Variants in NKAIN2 observed in about 807,000 individuals in gnomAD.
NKAIN2 encodes sodium/potassium-transporting ATPase subunit beta-1-interacting protein 2.
Under a neutral mutation model 32.6 loss-of-function variants are expected in NKAIN2, and 14 were observed. The observed-to-expected ratio is 0.43, with a 90% confidence interval of 0.28 to 0.67. NKAIN2 has a LOEUF of 0.67. NKAIN2 is among the 30% of genes least tolerant of loss of function. The pLI, the probability that NKAIN2 is intolerant of heterozygous loss-of-function variation, is 0.17. For missense variants in NKAIN2, 198 were observed against 258.3 expected, an observed-to-expected ratio of 0.77 and a Z score of 1.60; for synonymous variants, 80 against 87.2, an observed-to-expected ratio of 0.92 and a Z score of 0.46.
chr6:124,458,641 G>A (rs1776412472), intron 3 of NKAIN2, among the ~76,000 whole-genome samples: 1 of 151,704 alleles, frequency 6.6e-6, no homozygotes, highest in Non-Finnish European at 1.5e-5. Flanking sequence ...AAATAAAATT[G>A]AAAATTCTAT....
intron 1 of NKAIN2, among the ~76,000 whole-genome samples, chr6:123,844,947 G>C (rs1775030226): frequency 6.6e-6 from 1 of 152,144 alleles, no homozygotes; most frequent in East Asian, 1.9e-4. Flanking sequence ...AAATTACTTA[G>C]TTTGAGTGAC....
rs555436749 is a variant in NKAIN2 at position 124,760,156 on chromosome 6, A to G, written c.475-31183A>G. Among the ~76,000 whole-genome samples the G allele has an allele frequency of 3.3e-5, 5 of 152,190 alleles. No homozygotes were observed. The South Asian group carries it at 1.0e-3, about 32-fold the overall frequency. ...TTAGCAAACTAACGCAGGAACAGAA[A>G]ACCAAACACCGCATGTTCTCACTTC... On this transcript the variant is annotated intron_variant, in intron 4 of 6. Coordinates refer to ENST00000368417, the MANE Select transcript of NKAIN2 (RefSeq NM_001040214.3).
intron 5 of NKAIN2, among the ~76,000 whole-genome samples, chr6:124,806,226 G>A (rs938422309): frequency 4.6e-5 from 7 of 152,088 alleles, no homozygotes; most frequent in African/African-American, 9.7e-5. Flanking sequence ...AAAATGTTAA[G>A]GGCAGCCAGA....
At chr6:123,872,893 C>G (rs1480671336) in intron 1 of NKAIN2, among the ~76,000 whole-genome samples, 1 of 152,114 alleles carries the variant, frequency 6.6e-6, no homozygotes, top group Admixed American at 6.5e-5. Flanking sequence ...CCTTATAACA[C>G]CTAAAATTAT....
intron 3 of NKAIN2, among the ~76,000 whole-genome samples, chr6:124,503,279 A>G (rs543445944): frequency 1.3e-5 from 2 of 152,272 alleles, no homozygotes; most frequent in East Asian, 3.9e-4. Context: ...AAGAAAAACT[A>G]GAGGAATCTA....
intron 3 of NKAIN2, among the ~76,000 whole-genome samples, chr6:124,425,933 A>G (rs964792494): frequency 6.6e-6 from 1 of 152,160 alleles, no homozygotes; most frequent in South Asian, 2.1e-4. Flanking sequence ...TTACATATGC[A>G]TACTCGTTTA....
intron 4 of NKAIN2, among the ~76,000 whole-genome samples, chr6:124,789,517 C>T (rs753093933): frequency 6.6e-6 from 1 of 151,980 alleles, no homozygotes; most frequent in Non-Finnish European, 1.5e-5. Context: ...GGCACTGGCT[C>T]ACTCCATAAA....
intron 2 of NKAIN2, among the ~76,000 whole-genome samples, chr6:124,320,499 T>C (rs1797131432): frequency 2.0e-5 from 3 of 152,192 alleles, no homozygotes. Context: ...GAGAGCCTAC[T>C]CCCTTTATCC....
At chr6:124,190,074 A>G (rs1789940535) in intron 1 of NKAIN2, among the ~76,000 whole-genome samples, 1 of 152,228 alleles carries the variant, frequency 6.6e-6, no homozygotes, top group Non-Finnish European at 1.5e-5. Context: ...AACATATGAA[A>G]GTGAATCTTT....
intron 3 of NKAIN2, among the ~76,000 whole-genome samples, chr6:124,461,254 G>A (rs1235905813): frequency 1.3e-5 from 2 of 151,644 alleles, no homozygotes; most frequent in African/African-American, 2.4e-5. Context: ...AAATTACAGG[G>A]CACATTACTA....
intron 3 of NKAIN2, among the ~76,000 whole-genome samples, chr6:124,458,234 A>G (rs111484978): frequency 6.6e-6 from 1 of 152,116 alleles, no homozygotes; most frequent in African/African-American, 2.4e-5. Context: ...GAGCTGTTCT[A>G]TAGATCTAAT....
chr6:123,893,267 C>A (rs1473402234), intron 1 of NKAIN2, among the ~76,000 whole-genome samples: 1 of 152,134 alleles, frequency 6.6e-6, no homozygotes. Flanking sequence ...GTGGTGGGAT[C>A]ATATTTCATT....
At chr6:123,958,874 A>C (rs932157553) in intron 1 of NKAIN2, among the ~76,000 whole-genome samples, 1 of 152,198 alleles carries the variant, frequency 6.6e-6, no homozygotes, top group African/African-American at 2.4e-5. Context: ...GACCAGGAAG[A>C]AAAGAAAATG....
chr6:123,942,180 T>C (rs1217509869), intron 1 of NKAIN2, among the ~76,000 whole-genome samples: 2 of 151,986 alleles, frequency 1.3e-5, no homozygotes, highest in Admixed American at 1.3e-4. Flanking sequence ...TGAGAAATTA[T>C]TTTTTCATTT....
intron 1 of NKAIN2, among the ~76,000 whole-genome samples, chr6:123,869,474 C>T (rs1021753168): frequency 2.0e-5 from 3 of 152,146 alleles, no homozygotes; most frequent in African/African-American, 7.2e-5. Context: ...ATTATTAACT[C>T]ATTATACTTG....
At chr6:124,402,166 A>C (rs924793830) in intron 3 of NKAIN2, among the ~76,000 whole-genome samples, 4 of 152,034 alleles carry the variant, frequency 2.6e-5, no homozygotes, top group Non-Finnish European at 2.9e-5. Context: ...CCCCCACCCC[A>C]CCAAGACTTA....
At chr6:124,690,135 T>G (rs1348254493) in intron 4 of NKAIN2, among the ~76,000 whole-genome samples, 8 of 152,160 alleles carry the variant, frequency 5.3e-5, no homozygotes. Context: ...AACAGAGTTT[T>G]GTAATTTTTC....
chr6:124,278,383 A>G (rs9482527), intron 1 of NKAIN2, among the ~76,000 whole-genome samples: 5,510 of 151,998 alleles, frequency 0.036, 294 homozygotes, highest in African/African-American at 0.12. Context: ...ATTTATCTTG[A>G]AGACATTTTA....
chr6:123,903,817 A>G (rs1774722691), intron 1 of NKAIN2, among the ~76,000 whole-genome samples: 1 of 152,156 alleles, frequency 6.6e-6, no homozygotes, highest in African/African-American at 2.4e-5. Context: ...TGATTTAGTT[A>G]CACTATCGAT....
Sources: gnomAD v4.1 joint callset for allele counts (sites outside exome capture counted in the v4.1 genomes callset) on GRCh38, gnomAD v4.1.1 for gene constraint, MANE v1.5 for transcripts, NCBI Gene and HGNC (gene_info 2026-07-23, HGNC 2026-07-21) for gene names.